Variants in BSN observed in about 807,000 individuals in gnomAD.
BSN encodes protein bassoon.
In BSN, 57 loss-of-function variants were observed where a neutral mutation model predicts 264.8. The observed-to-expected ratio is 0.22, with a 90% CI of 0.17 to 0.27. BSN has a LOEUF of 0.27. Ranked by LOEUF, BSN falls within the 10% of genes least tolerant of loss-of-function variation. BSN has a pLI of 1.00. For synonymous variants in BSN, 2,059 were observed against 2,137.3 expected, an observed-to-expected ratio of 0.96 and a Z score of 1.01; for missense variants, 4,615 against 5,232.5, an observed-to-expected ratio of 0.88 and a Z score of 3.64.
intron 1 of BSN, among the ~76,000 whole-genome samples, chr3:49,575,077 T>C (rs2051832528): frequency 6.6e-6 from 1 of 152,168 alleles, no homozygotes. Flanking sequence ...CCGGGCGTGA[T>C]GGCTCACGCC....
intron 1 of BSN, among the ~76,000 whole-genome samples, chr3:49,592,122 AT>A (rs995715982): frequency 1.3e-5 from 2 of 150,612 alleles, no homozygotes; most frequent in Non-Finnish European, 3.0e-5. Context: ...TTATTTATTT[AT>A]TTTTTTGAGA....
rs2052338887 is a variant in BSN at position 49,625,944 on chromosome 3, C to T, written c.633+561C>T. On this transcript the variant is annotated intron_variant, in intron 2 of 11. Coordinates refer to ENST00000296452, the MANE Select transcript of BSN (RefSeq NM_003458.4). The surrounding 1 kb of genome is among the most constrained non-coding windows in gnomAD (Gnocchi z 4.4). ...GGGACCTGAGGTGGTGGGGCAGCTA[C>T]CCCATCCCTAAAGAAATGACCTTGG... Among the ~76,000 whole-genome samples the T allele has an allele frequency of 6.6e-6, 1 of 152,210 alleles. No homozygotes were observed. Among genetic ancestry groups the T allele is most frequent in the Non-Finnish European group, 1.5e-5 (1 of 68,040 alleles).
At position 49,657,271 on chromosome 3, in the gene BSN, C is replaced by A. The variant is rs756594952; in HGVS notation, c.7715C>A (p.Thr2572Asn). ...GATGCCTGTGAGCTAGAGTCTGGGA[C>A]TGAGCCCTGTGTGGTCAGGAGGATT... Reference protein sequence around the residue: ...LRDACELESGTEPCVVRRIAD... With the variant: ...LRDACELESGNEPCVVRRIAD... The change falls in exon 5 of 12, where the codon ACT becomes AAT. Residue 2572 changes from threonine (T) to asparagine (N), a missense_variant. Physicochemically the swap from Thr to Asn is moderately conservative, Grantham distance 65 (BLOSUM62 0). Around this residue, in one of 3 missense-constraint regions of BSN, gnomAD observed 3,415 missense variants for 3,866.4 expected, o/e 0.88. Transcript: ENST00000296452. 5 of 1,613,452 alleles carry A rather than the reference C, an allele frequency of 3.1e-6. No individual in the cohort carries two copies. The highest frequency in any genetic ancestry group is 4.2e-6 in the Non-Finnish European group (5 of 1,179,972).
chr3:49,562,499 T>TG (rs1215873871), intron 1 of BSN, among the ~76,000 whole-genome samples: 7 of 152,200 alleles, frequency 4.6e-5, no homozygotes, highest in Admixed American at 4.6e-4. Context: ...AATGAGAGTA[T>TG]GATTAAAAGG....
intron 2 of BSN, among the ~76,000 whole-genome samples, chr3:49,635,863 C>T (rs572013979): frequency 6.6e-6 from 1 of 151,832 alleles, no homozygotes; most frequent in African/African-American, 2.4e-5. Context: ...CCTGTAGTCC[C>T]ATCTACTCGG....
intron 2 of BSN, among the ~76,000 whole-genome samples, chr3:49,639,734 C>T (rs558568257): frequency 2.6e-5 from 4 of 152,306 alleles, no homozygotes; most frequent in Admixed American, 6.5e-5. Flanking sequence ...TTAGGAGCTA[C>T]GCAGAGCTGT....
intron 1 of BSN, among the ~76,000 whole-genome samples, chr3:49,582,556 C>A (rs1005514668): frequency 3.3e-5 from 5 of 152,212 alleles, no homozygotes; most frequent in African/African-American, 1.2e-4. Flanking sequence ...TTAGGGTTAT[C>A]TACATGTAAG....
downstream of BSN, among the ~76,000 whole-genome samples, chr3:49,672,567 A>G (rs2052801963): frequency 7.0e-6 from 1 of 142,624 alleles, no homozygotes; most frequent in East Asian, 2.1e-4. Context: ...TGCAACCTCC[A>G]CTTCCCAGGT....
At chr3:49,592,126 T>A (rs1039968701) in intron 1 of BSN, among the ~76,000 whole-genome samples, 9 of 152,004 alleles carry the variant, frequency 5.9e-5, no homozygotes, top group Non-Finnish European at 1.2e-4. Context: ...TTATTTATTT[T>A]TTTGAGATGG....
Position 49,661,441 on chromosome 3 carries a change from G to C in BSN, c.9596G>C (p.Arg3199Pro). The change falls in exon 6 of 12, where the codon CGG (arginine) becomes CCG (proline). Residue 3199 changes from arginine to proline, a missense_variant. Coordinates refer to ENST00000296452, the MANE Select transcript of BSN (RefSeq NM_003458.4). Reference protein sequence around the residue: ...YEQGKVPEVPRAGDRGSVSQS... With the variant: ...YEQGKVPEVPPAGDRGSVSQS... Reference sequence around the variant, plus strand: ...CAGGGCAAGGTCCCTGAGGTGCCCCGGGCTGGTGACCGTGGCAGTGTGAGC... The same window carrying C: ...CAGGGCAAGGTCCCTGAGGTGCCCCCGGCTGGTGACCGTGGCAGTGTGAGC... 1 of 1,613,896 alleles carries C rather than the reference G, an allele frequency of 6.2e-7. No homozygotes were observed. The highest frequency in any genetic ancestry group is 8.5e-7 in the Non-Finnish European group (1 of 1,180,036).
intron 1 of BSN, among the ~76,000 whole-genome samples, chr3:49,594,398 C>T (rs2052004991): frequency 6.6e-6 from 1 of 152,130 alleles, no homozygotes; most frequent in African/African-American, 2.4e-5. Flanking sequence ...TATGGATATC[C>T]AGTTGTTCTA....
Position 49,660,361 on chromosome 3 carries a change from A to G in BSN, c.8641-125A>G. 6.7e-7 allele frequency: 1 copy of G among 1,489,300 alleles called. No individual in the cohort carries two copies. The highest frequency in any genetic ancestry group is 8.9e-7 in the Non-Finnish European group (1 of 1,121,204). 92.3% of individuals were successfully genotyped at this position (1,489,300 alleles called of 1,614,324 possible). A position where few individuals can be genotyped will look rare whatever the true frequency, so the allele number is the denominator to read the frequency against. On this transcript the variant is annotated intron_variant, in intron 5 of 11. Coordinates refer to ENST00000296452, the MANE Select transcript of BSN (RefSeq NM_003458.4). The surrounding 1 kb of genome is among the most constrained non-coding windows in gnomAD (Gnocchi z 7.1). ...GGTAGGCCTCCAGGCTGCCTGGTAAATCAGGGCACCAGCAAGATGGAACCC... is the reference window on the plus strand; with the variant it reads ...GGTAGGCCTCCAGGCTGCCTGGTAAGTCAGGGCACCAGCAAGATGGAACCC...
In BSN at chr3:49,649,615, G is replaced by C. The variant is rs192597271; in HGVS notation, c.1519-997G>C. Among the ~76,000 whole-genome samples the C allele has an allele frequency of 1.9e-3, 295 of 152,346 alleles. 3 individuals are homozygous for C. Among genetic ancestry groups the C allele is most frequent in the African/African-American group, 6.5e-3 (270 of 41,580 alleles). Reference sequence around the variant, plus strand: ...TCAGAGATGCCCAAACCCTATGCCTGTACAAAGCAGCTGGGGCTGGGAGAC... The same window carrying C: ...TCAGAGATGCCCAAACCCTATGCCTCTACAAAGCAGCTGGGGCTGGGAGAC... On this transcript the variant is annotated intron_variant, in intron 3 of 11. Coordinates refer to ENST00000296452, the MANE Select transcript of BSN (RefSeq NM_003458.4).
At position 49,652,633 on chromosome 3, in the gene BSN, G is replaced by A. The variant is rs780078343; in HGVS notation, c.3077G>A (p.Arg1026Gln). The change falls in exon 5 of 12, where the codon CGG becomes CAG. Residue 1026 changes from arginine (R) to glutamine (Q), a missense_variant. Transcript: ENST00000296452. ...GAAGCAAAGCAGCAGCGCAAGGCCC[G>A]GCACCGCTCCCACGGGCCCCTGCTA... ...LEEAKQQRKA[R>Q]HRSHGPLLPT... 8 of 1,611,194 alleles carry A rather than the reference G, an allele frequency of 5.0e-6. No homozygotes were observed. The highest frequency in any genetic ancestry group is 1.7e-5 in the Admixed American group (1 of 59,694).
Position 49,653,491 on chromosome 3 carries a change from C to G in BSN, c.3935C>G (p.Thr1312Ser). Residue 1312 changes from threonine (T) to serine (S), a missense_variant, in exon 5 of 12, where the codon ACC (threonine) becomes AGC (serine). By Grantham distance (58) the Thr-to-Ser change is moderately conservative. Coordinates refer to ENST00000296452, the MANE Select transcript of BSN (RefSeq NM_003458.4). The surrounding 1 kb of genome is among the most constrained non-coding windows in gnomAD (Gnocchi z 6.3). ...KQNGGPLTPG[T>S]SPTQLAAPVS... Reference sequence around the variant, plus strand: ...AATGGTGGCCCCCTTACCCCTGGTACCAGTCCCACCCAGCTCGCTGCCCCT... The same window carrying G: ...AATGGTGGCCCCCTTACCCCTGGTAGCAGTCCCACCCAGCTCGCTGCCCCT... The G allele has an allele frequency of 6.2e-7, 1 of 1,613,880 alleles. No homozygotes were observed. Among genetic ancestry groups the G allele is most frequent in the Non-Finnish European group, 8.5e-7 (1 of 1,179,884 alleles).
Position 49,589,137 on chromosome 3 carries a change from C to T in BSN, c.224+34311C>T, listed in dbSNP as rs2051958532. ...GACGGGGTTTCAGGATGGTCTCGAT[C>T]TCCTGACCTTGTGATCCGCCCGCCT... is the stretch of plus-strand genomic sequence containing the variant. On this transcript the variant is annotated intron_variant, in intron 1 of 11. Transcript: ENST00000296452. Among the ~76,000 whole-genome samples, 3 of 143,114 alleles carry T rather than the reference C, an allele frequency of 2.1e-5. No homozygotes were observed. The Admixed American group carries it at 2.2e-4, about 10-fold the overall frequency. 93.9% of individuals were successfully genotyped at this position (143,114 alleles called of 152,430 possible).
intron 1 of BSN, among the ~76,000 whole-genome samples, chr3:49,588,919 GTT>G (rs752329033): frequency 2.8e-5 from 4 of 141,266 alleles, no homozygotes; most frequent in Admixed American, 7.1e-5. Flanking sequence ...TGGGTGGAGT[GTT>G]TTTTTTTTTT....
At chr3:49,569,971 G>C (rs2051783554) in intron 1 of BSN, among the ~76,000 whole-genome samples, 1 of 152,166 alleles carries the variant, frequency 6.6e-6, no homozygotes, top group Admixed American at 6.5e-5. Context: ...CTGCTGCTCT[G>C]GGGTTGTGAT....
downstream of BSN, among the ~76,000 whole-genome samples, chr3:49,671,838 C>G (rs762307697): frequency 6.6e-6 from 1 of 152,156 alleles, no homozygotes; most frequent in Non-Finnish European, 1.5e-5. The surrounding 1 kb of genome is among the most constrained non-coding windows in gnomAD (Gnocchi z 4.1). Flanking sequence ...GCATACACAG[C>G]TTTCTGGGAC....
Sources: allele counts gnomAD v4.1 joint callset (sites outside exome capture counted in the v4.1 genomes callset), GRCh38; gene constraint gnomAD v4.1.1; regional missense constraint gnomAD v4.1.1; non-coding constraint Gnocchi (gnomAD v3.1); transcripts MANE v1.5; gene names NCBI Gene and HGNC (gene_info 2026-07-23, HGNC 2026-07-21).